Variants in NSMCE2 observed in about 807,000 individuals in gnomAD.
The protein encoded by NSMCE2 is E3 SUMO-protein ligase NSE2.
A neutral mutation model predicts 23.8 loss-of-function variants in NSMCE2; 24 were observed. That is an observed-to-expected ratio of 1.01 (90% CI 0.73 to 1.42). The LOEUF (loss-of-function observed/expected upper bound fraction) is 1.42. NSMCE2 is among the 40% of genes most tolerant of loss of function. The pLI is 0.00. For missense variants in NSMCE2, 284 were observed against 296.5 expected (o/e 0.96, Z 0.31); for synonymous variants, 92 against 94.1 (o/e 0.98, Z 0.13).
intron 5 of NSMCE2, among the ~76,000 whole-genome samples, chr8:125,219,399 A>C (rs973802767): frequency 6.6e-6 from 1 of 152,196 alleles, no homozygotes; most frequent in African/African-American, 2.4e-5. Context: ...ATATTAACAC[A>C]GTGCCTGGCA....
At chr8:125,362,159 C>A (rs1013378731) in intron 7 of NSMCE2, among the ~76,000 whole-genome samples, 2 of 152,204 alleles carry the variant, frequency 1.3e-5, no homozygotes, top group African/African-American at 2.4e-5. Flanking sequence ...AGCTGAAGAT[C>A]GGGTATTGCC....
chr8:125,289,501 C>G (rs144753535), intron 5 of NSMCE2, among the ~76,000 whole-genome samples: 265 of 152,324 alleles, frequency 1.7e-3, no homozygotes, highest in Middle Eastern at 0.014. Flanking sequence ...TAGCAGGGTA[C>G]TTATCAGAGG....
rs80265276 is a variant in NSMCE2, at chr8:125,243,587, C to T, written c.418+61331C>T. Among the ~76,000 whole-genome samples, 120 of 151,896 alleles carry T rather than the reference C, an allele frequency of 7.9e-4. 3 individuals are homozygous for T. In the East Asian group the frequency reaches 0.021, roughly 26 times the overall value. Reference sequence around the variant, plus strand: ...GTTGATAAAATCAAGAATCATATCTCAATGTTATTAAATAGAAAGTAATGA... The same window carrying T: ...GTTGATAAAATCAAGAATCATATCTTAATGTTATTAAATAGAAAGTAATGA... On this transcript the variant is annotated intron_variant, in intron 5 of 7. Transcript: ENST00000287437.
At chr8:125,331,931 A>G (rs1319413926) in intron 5 of NSMCE2, among the ~76,000 whole-genome samples, 1 of 152,216 alleles carries the variant, frequency 6.6e-6, no homozygotes, top group Non-Finnish European at 1.5e-5. Flanking sequence ...CAGTAGTTCC[A>G]TATTTCATTT....
At chr8:125,247,982 A>G (rs996628923) in intron 5 of NSMCE2, among the ~76,000 whole-genome samples, 2 of 152,228 alleles carry the variant, frequency 1.3e-5, no homozygotes, top group African/African-American at 4.8e-5. Context: ...AAGTGCATGG[A>G]AGATTTTGGT....
At chr8:125,343,332 G>A (rs1033163734) in intron 5 of NSMCE2, among the ~76,000 whole-genome samples, 7 of 152,162 alleles carry the variant, frequency 4.6e-5, no homozygotes, top group African/African-American at 1.4e-4. Context: ...AGCCTTAAAG[G>A]ATTTGAGAAG....
intron 5 of NSMCE2, among the ~76,000 whole-genome samples, chr8:125,306,818 C>T (rs1828783363): frequency 6.6e-6 from 1 of 152,136 alleles, no homozygotes; most frequent in South Asian, 2.1e-4. Context: ...ACTGTGTGAC[C>T]TTGGGCAAAA....
intron 5 of NSMCE2, chr8:125,348,058 G>C (rs1261325337): frequency 6.6e-6 from 1 of 152,180 alleles, no homozygotes; most frequent in Non-Finnish European, 1.5e-5. Flanking sequence ...GTATATGCAT[G>C]ACCTTCACAA....
chr8:125,287,430 TC>T (rs554065674), intron 5 of NSMCE2, among the ~76,000 whole-genome samples: 6 of 152,332 alleles, frequency 3.9e-5, no homozygotes, highest in Middle Eastern at 3.4e-3. Context: ...CTGCTACTGT[TC>T]CTTTCCACAG....
intron 4 of NSMCE2, among the ~76,000 whole-genome samples, chr8:125,167,181 G>T (rs897329027): frequency 6.6e-6 from 1 of 152,186 alleles, no homozygotes; most frequent in African/African-American, 2.4e-5. Flanking sequence ...CACCAGATAA[G>T]CTTTGGTATG....
intron 7 of NSMCE2, among the ~76,000 whole-genome samples, chr8:125,362,736 G>A (rs575519556): frequency 6.6e-6 from 1 of 152,320 alleles, no homozygotes; most frequent in South Asian, 2.1e-4. Context: ...AGCTCCCCTT[G>A]GGAGGGCTAT....
intron 4 of NSMCE2, among the ~76,000 whole-genome samples, chr8:125,176,579 T>C (rs758257290): frequency 2.6e-5 from 4 of 152,334 alleles, no homozygotes; most frequent in Non-Finnish European, 4.4e-5. Flanking sequence ...TGATGAGCTA[T>C]AGACCTGTGT....
intron 5 of NSMCE2, among the ~76,000 whole-genome samples, chr8:125,333,760 G>T (rs913575897): frequency 6.6e-6 from 1 of 151,844 alleles, no homozygotes; most frequent in South Asian, 2.1e-4. Flanking sequence ...TGATCCGCCC[G>T]CCTCGGCCTC....
chr8:125,103,107 A>G lies in NSMCE2; in HGVS notation c.157+620A>G, dbSNP rs556112038. Reference sequence around the variant, plus strand: ...ATGGTGAAACCCCGTCTCTACTAAAAATACAAAACCAACATGGTGAAACCC... The same window carrying G: ...ATGGTGAAACCCCGTCTCTACTAAAGATACAAAACCAACATGGTGAAACCC... On this transcript the variant is annotated intron_variant, in intron 3 of 7. Transcript: ENST00000287437. Among the ~76,000 whole-genome samples the G allele has an allele frequency of 7.4e-4, 113 of 152,134 alleles. 1 individual carries two copies. Among genetic ancestry groups the G allele is most frequent in the Non-Finnish European group, 2.9e-4 (20 of 67,990 alleles).
chr8:125,140,878 A>G (rs1394089168), intron 3 of NSMCE2, among the ~76,000 whole-genome samples: 2 of 152,160 alleles, frequency 1.3e-5, no homozygotes, highest in Non-Finnish European at 2.9e-5. Flanking sequence ...TGTGGCCTTA[A>G]ATTCACAGTT....
At chr8:125,203,433 A>C (rs1336535665) in intron 5 of NSMCE2, among the ~76,000 whole-genome samples, 1 of 152,228 alleles carries the variant, frequency 6.6e-6, no homozygotes, top group Non-Finnish European at 1.5e-5. Flanking sequence ...CTCCACAGCC[A>C]GCCCATAGGT....
chr8:125,339,947 A>G (rs1381378394), intron 5 of NSMCE2, among the ~76,000 whole-genome samples: 2 of 148,894 alleles, frequency 1.3e-5, no homozygotes, highest in African/African-American at 5.0e-5. Flanking sequence ...GAGAAAATAA[A>G]TTTTCTTTAA....
chr8:125,104,365 T>C (rs538631088), intron 3 of NSMCE2, among the ~76,000 whole-genome samples: 1 of 152,348 alleles, frequency 6.6e-6, no homozygotes, highest in East Asian at 1.9e-4. Context: ...TGATCCTTTC[T>C]AGGCTTATCG....
intron 5 of NSMCE2, among the ~76,000 whole-genome samples, chr8:125,293,308 TA>T (rs1331900436): frequency 6.6e-6 from 1 of 152,178 alleles, no homozygotes; most frequent in Non-Finnish European, 1.5e-5. Flanking sequence ...CTTGGCAGTT[TA>T]AGAGGGTGGT....
Sources: gnomAD v4.1 joint callset for allele counts (sites outside exome capture counted in the v4.1 genomes callset) on GRCh38, gnomAD v4.1.1 for gene constraint, MANE v1.5 for transcripts, NCBI Gene and HGNC (gene_info 2026-07-23, HGNC 2026-07-21) for gene names.